DAB1: variants seen among roughly 807,000 people sequenced by gnomAD.
DAB1 encodes disabled homolog 1.
Under a neutral mutation model 64.6 loss-of-function variants are expected in DAB1, and 15 were observed. The observed-to-expected ratio is 0.23, with a 90% confidence interval of 0.16 to 0.36. DAB1 has a LOEUF of 0.36. Among genes scored for constraint, DAB1 ranks in the 10% least tolerant of loss-of-function variants. DAB1 has a pLI of 1.00. For synonymous variants in DAB1, 235 were observed against 251.9 expected, an observed-to-expected ratio of 0.93 and a Z score of 0.64; for missense variants, 596 against 706.7, an observed-to-expected ratio of 0.84 and a Z score of 1.78.
intron 14 of DAB1, among the ~76,000 whole-genome samples, chr1:57,003,118 G>T (rs12035887): frequency 0.12 from 18,301 of 152,194 alleles, 1,539 homozygotes; most frequent in East Asian, 0.34. Flanking sequence ...GAATGGTGCT[G>T]GACCAGCCTA....
intron 7 of DAB1, among the ~76,000 whole-genome samples, chr1:57,592,480 C>T (rs190813569): frequency 7.0e-4 from 107 of 151,876 alleles, no homozygotes; most frequent in African/African-American, 2.3e-3. Context: ...ACAGATGCCA[C>T]GTGGGATTCT....
chr1:58,219,021 C>CTG (rs1226112933), intron 4 of DAB1, among the ~76,000 whole-genome samples: 1 of 125,600 alleles, frequency 8.0e-6, no homozygotes, highest in African/African-American at 3.0e-5. Context: ...CTCTCTCTCT[C>CTG]TCTCTGTGTG....
rs755775429 is a variant in DAB1, at chr1:57,716,786, G to C, written n.552-67121C>G. On this transcript the variant is annotated intron_variant and non_coding_transcript_variant, in intron 6 of 20. Coordinates refer to the DAB1 transcript ENST00000485760. ...CACAGCAAAGAAAACAATCAGTAAA[G>C]TGAAGAGACCAACCTACAGAATGGG... Among the ~76,000 whole-genome samples the C allele has an allele frequency of 5.3e-4, 80 of 152,318 alleles. 1 individual carries two copies. The highest frequency in any genetic ancestry group is 6.6e-4 in the Non-Finnish European group (45 of 68,028).
At chr1:58,102,181 A>G (rs1468109934) in intron 5 of DAB1, among the ~76,000 whole-genome samples, 1 of 152,220 alleles carries the variant, frequency 6.6e-6, no homozygotes, top group East Asian at 1.9e-4. Context: ...AATCAAACCT[A>G]GTTATTGGGC....
At chr1:57,776,590 C>A (rs576778194) in intron 6 of DAB1, among the ~76,000 whole-genome samples, 3 of 151,502 alleles carry the variant, frequency 2.0e-5, no homozygotes, top group South Asian at 2.1e-4. Flanking sequence ...ATTAGCTATT[C>A]TTTTTAGTGT....
chr1:57,096,634 C>T (rs1485041242), intron 4 of DAB1, among the ~76,000 whole-genome samples: 2 of 152,148 alleles, frequency 1.3e-5, no homozygotes, highest in African/African-American at 2.4e-5. Flanking sequence ...CTTGCCTGAC[C>T]ACCCAAGCTA....
intron 2 of DAB1, among the ~76,000 whole-genome samples, chr1:57,218,352 C>T (rs10489468): frequency 0.095 from 14,378 of 151,890 alleles, 878 homozygotes; most frequent in Admixed American, 0.21. Context: ...CTTTGTTTAA[C>T]ATCCTGGGCA....
chr1:58,167,903 T>A (rs1303090708), intron 4 of DAB1, among the ~76,000 whole-genome samples: 1 of 152,146 alleles, frequency 6.6e-6, no homozygotes, highest in East Asian at 1.9e-4. Context: ...CACACCAACT[T>A]TAAGAACTGT....
intron 4 of DAB1, among the ~76,000 whole-genome samples, chr1:58,166,006 A>C (rs757218426): frequency 2.0e-5 from 3 of 152,198 alleles, no homozygotes; most frequent in Non-Finnish European, 4.4e-5. Flanking sequence ...ATGGTTAGTA[A>C]GTAAGTGGAA....
chr1:57,740,397 G>A (rs575183127), intron 6 of DAB1, among the ~76,000 whole-genome samples: 1 of 152,170 alleles, frequency 6.6e-6, no homozygotes, highest in African/African-American at 2.4e-5. Context: ...TCTTGGGCAA[G>A]GTACATAAAG....
intron 5 of DAB1, among the ~76,000 whole-genome samples, chr1:58,138,880 A>G (rs181764126): frequency 2.1e-3 from 327 of 152,304 alleles, no homozygotes; most frequent in Non-Finnish European, 3.3e-3. Context: ...TGAGAACTAA[A>G]AAAATTGATG....
chr1:57,511,665 T>C (rs989111467), intron 7 of DAB1, among the ~76,000 whole-genome samples: 2 of 152,368 alleles, frequency 1.3e-5, no homozygotes, highest in East Asian at 3.8e-4. Flanking sequence ...AGACCTTTTC[T>C]TGTTCACTCT....
At chr1:58,467,114 A>G (rs1234862796) in intron 3 of DAB1, among the ~76,000 whole-genome samples, 1 of 152,196 alleles carries the variant, frequency 6.6e-6, no homozygotes, top group Non-Finnish European at 1.5e-5. Flanking sequence ...GGCTCTGGCC[A>G]TTCTCAAATT....
chr1:58,126,467 T>A (rs1653094199), intron 5 of DAB1, among the ~76,000 whole-genome samples: 2 of 151,624 alleles, frequency 1.3e-5, no homozygotes, highest in African/African-American at 2.4e-5. Context: ...TTTTTTTTTT[T>A]TATTATACTT....
chr1:58,183,940 T>C (rs1313529809), intron 4 of DAB1, among the ~76,000 whole-genome samples: 1 of 151,732 alleles, frequency 6.6e-6, no homozygotes, highest in Non-Finnish European at 1.5e-5. Flanking sequence ...TTATTTCAAG[T>C]TGGCTTTTCA....
intron 4 of DAB1, among the ~76,000 whole-genome samples, chr1:58,278,241 C>CTGAAAGAGAA (rs1557721067): frequency 2.3e-5 from 1 of 43,390 alleles, no homozygotes; most frequent in Admixed American, 2.6e-4. Flanking sequence ...CTCCTACACA[C>CTGAAAGAGAA]GCATACTGTC....
intron 5 of DAB1, among the ~76,000 whole-genome samples, chr1:57,928,158 C>T (rs1270725446): frequency 6.6e-6 from 1 of 152,110 alleles, no homozygotes; most frequent in Non-Finnish European, 1.5e-5. Flanking sequence ...ATACATACAG[C>T]ACTTGCACGA....
At chr1:58,510,820 C>T (rs979025046) in intron 2 of DAB1, among the ~76,000 whole-genome samples, 1 of 151,962 alleles carries the variant, frequency 6.6e-6, no homozygotes, top group Non-Finnish European at 1.5e-5. Context: ...TTATGTTCTA[C>T]ACACTAACAA....
At chr1:58,253,358 C>T (rs964673275) in intron 4 of DAB1, among the ~76,000 whole-genome samples, 1 of 152,208 alleles carries the variant, frequency 6.6e-6, no homozygotes, top group Admixed American at 6.5e-5. Flanking sequence ...TTGTTGTTAA[C>T]AAGCCTGATT....
Sources: allele counts gnomAD v4.1 joint callset (sites outside exome capture counted in the v4.1 genomes callset), GRCh38; gene constraint gnomAD v4.1.1; transcripts MANE v1.5; gene names NCBI Gene and HGNC (gene_info 2026-07-23, HGNC 2026-07-21).